Variants in CCDC97 observed in about 807,000 individuals in gnomAD.
CCDC97 encodes coiled-coil domain containing 97.
A neutral mutation model predicts 33.9 loss-of-function variants in CCDC97; 27 were observed. The observed-to-expected ratio is 0.80, with a 90% CI of 0.59 to 1.10. The LOEUF (loss-of-function observed/expected upper bound fraction) is 1.10. CCDC97 is among the 50% of genes least tolerant of loss of function. CCDC97 has a pLI of 0.00. For synonymous variants in CCDC97, 217 were observed against 194.0 expected, an observed-to-expected ratio of 1.12 and a Z score of -0.99; for missense variants, 422 against 476.6, an observed-to-expected ratio of 0.89 and a Z score of 1.07.
In CCDC97 at chr19:41,310,250, CGTGGGCCGGAG is replaced by C. The variant is rs575619576; in HGVS notation, c.-58_-48del. The C allele has an allele frequency of 6.6e-5, 102 of 1,554,298 alleles. No individual in the cohort carries two copies. In the East Asian group the frequency reaches 2.3e-3, roughly 36 times the overall value. On this transcript the variant is annotated 5_prime_UTR_variant, in exon 1 of 5. Transcript: ENST00000269967. The stretch of plus-strand genomic sequence containing the variant: ...CTCAGGCGAAAGTGTCTCTTGCGTG[CGTGGGCCGGAG>C]GTTAGTGTGCGGGGCCCGCCGGGCG...
intron 1 of CCDC97, among the ~76,000 whole-genome samples, chr19:41,315,438 C>T (rs1210649991): frequency 2.0e-5 from 3 of 151,502 alleles, no homozygotes; most frequent in Admixed American, 6.6e-5. Context: ...GAAACCCTGT[C>T]TCTACTAAAA....
In CCDC97 at chr19:41,323,991, C is replaced by T. The variant is rs1166173141; in HGVS notation, c.*1276C>T. 1 of 152,508 alleles carries T rather than the reference C, an allele frequency of 6.6e-6. No homozygotes were observed. The highest frequency in any genetic ancestry group is 1.5e-5 in the Non-Finnish European group (1 of 68,176). 9.4% of individuals were successfully genotyped at this position (152,508 alleles called of 1,614,324 possible). ...GTCACCAAGTCGGGGCCTAGGGACT[C>T]CTCATGCCTCTGAGATGGAATGGTG... On this transcript the variant is annotated 3_prime_UTR_variant, in exon 5 of 5. Transcript: ENST00000269967.
At position 41,322,751 on chromosome 19, in the gene CCDC97, A is replaced by G. The variant is rs770599455; in HGVS notation, c.*36A>G. On this transcript the variant is annotated 3_prime_UTR_variant, in exon 5 of 5. Transcript: ENST00000269967. Reference sequence around the variant, plus strand: ...CCTTCCCACCGCCTGCCCCATCCCCATCCCCAACAAGGCAGCTGATTCCAG... The same window carrying G: ...CCTTCCCACCGCCTGCCCCATCCCCGTCCCCAACAAGGCAGCTGATTCCAG... 1.6e-4 allele frequency: 255 copies of G among 1,604,484 alleles called. No homozygotes were observed. Among genetic ancestry groups the G allele is most frequent in the Non-Finnish European group, 2.1e-4 (242 of 1,174,860 alleles).
At chr19:41,315,207 G>C (rs915901430) in intron 1 of CCDC97, among the ~76,000 whole-genome samples, 50 of 145,816 alleles carry the variant, frequency 3.4e-4, no homozygotes, top group African/African-American at 1.1e-3. Context: ...GGCTGAGGCA[G>C]AGAATTGCTT....
chr19:41,322,352 A>G (rs2037832679), intron 4 of CCDC97, among the ~76,000 whole-genome samples: 2 of 152,164 alleles, frequency 1.3e-5, no homozygotes, highest in South Asian at 2.1e-4. Context: ...TTGGCCTCCC[A>G]TAGTGCTGGG....
chr19:41,315,253 C>T (rs1401943024), intron 1 of CCDC97, among the ~76,000 whole-genome samples: 1 of 143,246 alleles, frequency 7.0e-6, no homozygotes. Flanking sequence ...ATCAAGATTG[C>T]TCCACTGCAC....
intron 1 of CCDC97, 85 bp from the exon 2 acceptor site, chr19:41,316,299 G>C: frequency 9.3e-7 from 1 of 1,079,700 alleles, no homozygotes; most frequent in East Asian, 2.6e-5. Flanking sequence ...TCAGTGCCCA[G>C]TAAATGTGAG....
At chr19:41,310,412 A>C (rs2037668554) in intron 1 of CCDC97, 56 bp downstream of exon 1, 1 of 1,564,516 alleles carries the variant, frequency 6.4e-7, no homozygotes, top group African/African-American at 1.4e-5. Flanking sequence ...TGTCTCTAGG[A>C]AATGATTCCC....
At chr19:41,318,678 G>T (rs1568469594) in intron 2 of CCDC97, among the ~76,000 whole-genome samples, 1 of 152,162 alleles carries the variant, frequency 6.6e-6, no homozygotes, top group African/African-American at 2.4e-5. Context: ...AGAGTCACTC[G>T]TGCAGAAACA....
chr19:41,318,262 A>G (rs970719147), intron 2 of CCDC97, among the ~76,000 whole-genome samples: 4 of 152,102 alleles, frequency 2.6e-5, no homozygotes, highest in Non-Finnish European at 1.5e-5. Context: ...CAGCCTGGCC[A>G]ACATGGTGAA....
At chr19:41,312,596 TTC>T (rs2037699083) in intron 1 of CCDC97, among the ~76,000 whole-genome samples, 1 of 152,188 alleles carries the variant, frequency 6.6e-6, no homozygotes, top group Non-Finnish European at 1.5e-5. Flanking sequence ...CAGAACTTTA[TTC>T]TCTCATAGTT....
chr19:41,322,838 C>A lies in CCDC97; in HGVS notation c.*123C>A. ...GGCAGTGCCCCACAACCCACACACA[C>A]CACCATCTCACTGGGTCTAGTCTCA... On this transcript the variant is annotated 3_prime_UTR_variant, in exon 5 of 5. Coordinates refer to ENST00000269967, the MANE Select transcript of CCDC97 (RefSeq NM_052848.3). 1 of 1,133,420 alleles carries A rather than the reference C, an allele frequency of 8.8e-7. No homozygotes were observed. The highest frequency in any genetic ancestry group is 1.2e-6 in the Non-Finnish European group (1 of 803,300). 70.2% of individuals were successfully genotyped at this position (1,133,420 alleles called of 1,614,324 possible). A position where few individuals can be genotyped will look rare whatever the true frequency, so the allele number is the denominator to read the frequency against.
chr19:41,314,087 T>C (rs1324684530), intron 1 of CCDC97, among the ~76,000 whole-genome samples: 1 of 152,180 alleles, frequency 6.6e-6, no homozygotes, highest in Admixed American at 6.5e-5. Context: ...GGAGCTGGAC[T>C]GGATTCATCC....
At chr19:41,314,941 A>T (rs1035666296) in intron 1 of CCDC97, among the ~76,000 whole-genome samples, 1 of 150,852 alleles carries the variant, frequency 6.6e-6, no homozygotes, top group East Asian at 1.9e-4. Flanking sequence ...GATTGAGACC[A>T]CCCTGGGCAA....
At chr19:41,318,028 G>A (rs971155684) in intron 2 of CCDC97, among the ~76,000 whole-genome samples, 52 of 151,636 alleles carry the variant, frequency 3.4e-4, no homozygotes, top group Non-Finnish European at 6.6e-4. Flanking sequence ...TGAATGAGGT[G>A]GGGGTAGGTG....
rs1220933726 is a variant in CCDC97, at chr19:41,316,534, T to C, written c.197T>C (p.Met66Thr). The C allele has an allele frequency of 1.1e-5, 18 of 1,614,258 alleles. No homozygotes were observed. The highest frequency in any genetic ancestry group is 1.5e-5 in the Non-Finnish European group (18 of 1,180,042). Residue 66 changes from methionine (M) to threonine (T), a missense_variant, in exon 2 of 5, where the codon ATG becomes ACG. Coordinates refer to ENST00000269967, the MANE Select transcript of CCDC97 (RefSeq NM_052848.3). ...GCTGAAAATGCAGCAGTGAGTGCTA[T>C]GCTGCACGCTGTAGCCGCCAGCCGC... is the stretch of plus-strand genomic sequence containing the variant. Reference protein sequence around the residue: ...SGAENAAVSAMLHAVAASRLP... With the variant: ...SGAENAAVSATLHAVAASRLP...
intron 4 of CCDC97, chr19:41,320,731 C>T: frequency 5.1e-6 from 2 of 394,700 alleles, no homozygotes; most frequent in South Asian, 2.8e-5. Context: ...TCAATGAAAC[C>T]CTGAAACACT....
At chr19:41,310,389 G>T in intron 1 of CCDC97, 33 bp downstream of exon 1, 1 of 1,590,022 alleles carries the variant, frequency 6.3e-7, no homozygotes. Flanking sequence ...GCGGCGGGTG[G>T]GTGCGGTTGC....
At chr19:41,319,883 T>C (rs746705963) in intron 3 of CCDC97, 31 bp downstream of exon 3, 12 of 1,055,544 alleles carry the variant, frequency 1.1e-5, no homozygotes, top group South Asian at 1.4e-5. Flanking sequence ...GACCCCAGAT[T>C]CCAGACACCC....
Sources: gnomAD v4.1 joint callset for allele counts (sites outside exome capture counted in the v4.1 genomes callset) on GRCh38, gnomAD v4.1.1 for gene constraint, MANE v1.5 for transcripts, NCBI Gene and HGNC (gene_info 2026-07-23, HGNC 2026-07-21) for gene names.